The following KDM6A variants were observed in gnomAD, a reference collection of about 807,000 sequenced individuals.
The protein encoded by KDM6A is lysine-specific demethylase 6A.
In KDM6A, 11 loss-of-function variants were observed where a neutral mutation model predicts 117.6. That is an observed-to-expected ratio of 0.09 (90% CI 0.06 to 0.15). The LOEUF is 0.15. Among genes scored for constraint, KDM6A ranks in the 10% least tolerant of loss-of-function variants. KDM6A has a pLI of 1.00. For missense variants in KDM6A, 799 were observed against 1,077.3 expected (o/e 0.74, Z 3.62); for synonymous variants, 384 against 396.1 (o/e 0.97, Z 0.36).
intron 2 of KDM6A, among the ~76,000 whole-genome samples, chrX:44,889,470 A>T (rs931464972): frequency 1.1e-4 from 12 of 111,478 alleles, no homozygotes; most frequent in Admixed American, 5.7e-4. Flanking sequence ...CTTAAAAAAA[A>T]TTTTTTTTTA....
chrX:45,056,528 A>G (rs2044078659), intron 10 of KDM6A, among the ~76,000 whole-genome samples: 1 of 112,313 alleles, frequency 8.9e-6, no homozygotes, highest in Non-Finnish European at 1.9e-5. Flanking sequence ...ACAGAACTAT[A>G]GAATATTACA....
At chrX:45,017,741 G>A (rs765665521) in intron 5 of KDM6A, among the ~76,000 whole-genome samples, 46 of 111,787 alleles carry the variant, frequency 4.1e-4, no homozygotes, top group African/African-American at 1.4e-3. Context: ...TATTATTTTA[G>A]GATATTAAAC....
At position 44,899,396 on chromosome X, in the gene KDM6A, C is replaced by G. The variant is rs779181117; in HGVS notation, c.225+25409C>G. Among the ~76,000 whole-genome samples, 4 of 108,361 alleles carry G rather than the reference C, an allele frequency of 3.7e-5. No individual in the cohort carries two copies. The East Asian group carries it at 1.2e-3, about 32-fold the overall frequency. The allele number at this position is 108,361 out of a possible 115,157, so 94.1% of individuals were successfully genotyped here. On this transcript the variant is annotated intron_variant, in intron 2 of 29. Transcript: ENST00000611820. Reference sequence around the variant, plus strand: ...TAGATTAGCTATATGCCCGGCTCCACTGAAACTGGAGGAGGGTGTGTGTGT... The same window carrying G: ...TAGATTAGCTATATGCCCGGCTCCAGTGAAACTGGAGGAGGGTGTGTGTGT...
chrX:45,090,092 A>G (rs1253247336), intron 26 of KDM6A, among the ~76,000 whole-genome samples, 162 bp downstream of exon 26: 1 of 112,611 alleles, frequency 8.9e-6, no homozygotes, highest in Non-Finnish European at 1.9e-5. Flanking sequence ...TCAAGTTAAC[A>G]AATAGAAATC....
Position 45,016,045 on chromosome X carries a change from A to G in KDM6A, c.444-4565A>G, listed in dbSNP as rs567917603. Among the ~76,000 whole-genome samples, 53 of 111,803 alleles carry G rather than the reference A, an allele frequency of 4.7e-4. 3 individuals carry two copies. The South Asian group carries it at 0.02, about 41-fold the overall frequency. ...CTAATTTAGCCTCACATTTAAGGTC[A>G]TTTCTGATTCAACCTCAAATGATCC... is the stretch of plus-strand genomic sequence containing the variant. On this transcript the variant is annotated intron_variant, in intron 5 of 29. Transcript: ENST00000611820.
chrX:44,992,198 G>A (rs1188972245), intron 4 of KDM6A, among the ~76,000 whole-genome samples: 1 of 76,281 alleles, frequency 1.3e-5, no homozygotes, highest in Non-Finnish European at 2.5e-5. Context: ...TAGCAATACT[G>A]TCTTCTTCTT....
At chrX:45,042,839 C>G (rs1046083543) in intron 8 of KDM6A, among the ~76,000 whole-genome samples, 17 of 112,204 alleles carry the variant, frequency 1.5e-4, no homozygotes, top group Non-Finnish European at 3.8e-5. Context: ...ATTTCATAAT[C>G]CCCGAGGGCC....
At chrX:44,986,062 TATTA>T (rs1330985107) in intron 4 of KDM6A, among the ~76,000 whole-genome samples, 2 of 111,826 alleles carry the variant, frequency 1.8e-5, no homozygotes, top group Admixed American at 9.5e-5. Flanking sequence ...GTTGGTAAGC[TATTA>T]ATTATTGCCT....
intron 5 of KDM6A, among the ~76,000 whole-genome samples, 175 bp downstream of exon 5, chrX:45,011,194 G>T (rs933107933): frequency 2.7e-5 from 3 of 111,083 alleles, no homozygotes; most frequent in African/African-American, 6.5e-5. Context: ...AAGGGTGTTG[G>T]CTCACCTTAG....
chrX:44,893,509 GTT>G (rs752050347), intron 2 of KDM6A, among the ~76,000 whole-genome samples: 23 of 91,825 alleles, frequency 2.5e-4, no homozygotes, highest in African/African-American at 7.0e-4. Context: ...GTTGTGGGAG[GTT>G]TTTTTTTTTT....
At chrX:45,019,253 T>G (rs984615227) in intron 5 of KDM6A, among the ~76,000 whole-genome samples, 8 of 111,009 alleles carry the variant, frequency 7.2e-5, no homozygotes, top group African/African-American at 2.6e-4. Context: ...CCTATATACA[T>G]CAGATAATAA....
intron 2 of KDM6A, among the ~76,000 whole-genome samples, chrX:44,884,197 A>G (rs1177035487): frequency 9.1e-6 from 1 of 109,668 alleles, no homozygotes; most frequent in East Asian, 2.8e-4. Context: ...AGAGGGTAGC[A>G]TGTTTCAGTG....
chrX:44,912,278 C>T (rs775651043), intron 2 of KDM6A, among the ~76,000 whole-genome samples: 5 of 109,738 alleles, frequency 4.6e-5, no homozygotes, highest in Non-Finnish European at 9.5e-5. Context: ...TTAGTAGAGA[C>T]GGGTTTCTCC....
At chrX:44,963,499 C>CTGTCTCTG (rs796328734) in intron 3 of KDM6A, among the ~76,000 whole-genome samples, 1,350 of 81,073 alleles carry the variant, frequency 0.017, 27 homozygotes, top group African/African-American at 0.047. Context: ...GTCTGTCTGT[C>CTGTCTCTG]TCTGTCTGTC....
intron 27 of KDM6A, among the ~76,000 whole-genome samples, chrX:45,096,393 C>T (rs2046107630): frequency 9.0e-6 from 1 of 111,497 alleles, no homozygotes; most frequent in Non-Finnish European, 1.9e-5. Flanking sequence ...CAGGTTTGTG[C>T]TAGGTGAAAA....
At chrX:44,944,600 CTT>C (rs2037525451) in intron 2 of KDM6A, among the ~76,000 whole-genome samples, 1 of 111,660 alleles carries the variant, frequency 9.0e-6, no homozygotes, top group South Asian at 3.7e-4. Context: ...TTCTTTGACT[CTT>C]TTCACCAGGG....
intron 2 of KDM6A, among the ~76,000 whole-genome samples, chrX:44,910,361 G>T (rs1218817446): frequency 1.8e-5 from 2 of 110,846 alleles, no homozygotes; most frequent in African/African-American, 6.6e-5. Context: ...TAATTTTTTT[G>T]TATTTTTAGT....
Position 44,929,869 on chromosome X carries a change from G to A in KDM6A, c.226-31415G>A, listed in dbSNP as rs62593466. On this transcript the variant is annotated intron_variant, in intron 2 of 29. Transcript: ENST00000611820. ...TTTAAGCTCAGGGGTACATGTACAG[G>A]ATGTGTAGGTTTGTTACATAGGTAA... Among the ~76,000 whole-genome samples, 705 of 110,753 alleles carry A rather than the reference G, an allele frequency of 6.4e-3. 3 individuals are homozygous for A. Among genetic ancestry groups the A allele is most frequent in the Middle Eastern group, 0.023 (5 of 217 alleles).
rs780295814 is a variant in KDM6A, at chrX:45,107,420, C to T, written c.4045C>T (p.Leu1349=). 5 of 1,208,257 alleles carry T rather than the reference C, an allele frequency of 4.1e-6. No homozygotes were observed. In the East Asian group the frequency reaches 1.5e-4, roughly 36 times the overall value. ...KLFEMIKYCL[L]RTLKQCQTLR... ...TCTCCCCCACAATAGGTATTGTCTT[C>T]TAAGAACTCTGAAGCAATGTCAGAC... Residue 1349 remains leucine, a synonymous_variant, in exon 28 of 30, where the codon CTA becomes TTA. Transcript: ENST00000611820.
Sources: allele counts gnomAD v4.1 joint callset (sites outside exome capture counted in the v4.1 genomes callset), GRCh38; gene constraint gnomAD v4.1.1; transcripts MANE v1.5; gene names NCBI Gene and HGNC (gene_info 2026-07-23, HGNC 2026-07-21).